The following SYNE1 variants were observed in gnomAD, a reference collection of about 807,000 sequenced individuals.
The protein encoded by SYNE1 is nesprin-1.
In SYNE1, 616 loss-of-function variants were observed where a neutral mutation model predicts 1,111.0. That is an observed-to-expected ratio of 0.55 (90% CI 0.52 to 0.59). The LOEUF is 0.59. Among genes scored for constraint, SYNE1 ranks in the 20% least tolerant of loss-of-function variants. The pLI, the probability that SYNE1 is intolerant of heterozygous loss-of-function variation, is 0.00. For missense variants in SYNE1, 10,006 were observed against 10,417.0 expected (o/e 0.96, Z 1.72); for synonymous variants, 3,855 against 3,825.8 (o/e 1.01, Z -0.28).
At chr6:152,321,135 C>A in intron 84 of SYNE1, 103 bp downstream of exon 84, 2 of 1,322,958 alleles carry the variant, frequency 1.5e-6, no homozygotes, top group South Asian at 2.7e-5. Flanking sequence ...TTTTTTAACT[C>A]TGTCTCCAAG....
rs1412426109 is a variant in SYNE1, at chr6:152,321,859, T to C, written c.15945A>G (p.Gly5315=). Residue 5315 remains glycine (G), a synonymous_variant, in exon 83 of 146, where the codon GGA becomes GGG. Coordinates refer to ENST00000367255, the MANE Select transcript of SYNE1 (RefSeq NM_182961.4). ...CCTTCAGCTCTTGCTTCACCAACTT[T>C]CCATTAGTCTTCACTTTCTCCTGCA... ...LNMQEKVKTN[G]KLVKQELKDR... 6.2e-7 allele frequency: 1 copy of C among 1,614,050 alleles called. No homozygotes were observed. Among genetic ancestry groups the C allele is most frequent in the East Asian group, 2.2e-5 (1 of 44,848 alleles).
intron 39 of SYNE1, among the ~76,000 whole-genome samples, chr6:152,421,016 C>A (rs953729813): frequency 6.6e-6 from 1 of 152,030 alleles, no homozygotes; most frequent in African/African-American, 2.4e-5. Context: ...GTTATTTTAC[C>A]AAGGCTTTGA....
chr6:152,306,416 G>A (rs2095375537), intron 91 of SYNE1, among the ~76,000 whole-genome samples: 1 of 151,908 alleles, frequency 6.6e-6, no homozygotes, highest in Non-Finnish European at 1.5e-5. Context: ...AACCCAGGAG[G>A]TGGAAGTTGC....
chr6:152,311,005 G>C (rs750713453), intron 87 of SYNE1, 132 bp from the exon 88 acceptor site: 5 of 878,674 alleles, frequency 5.7e-6, no homozygotes, highest in Non-Finnish European at 9.1e-6. Flanking sequence ...CACCCCCCAT[G>C]ACCACTTTCT....
intron 6 of SYNE1, among the ~76,000 whole-genome samples, chr6:152,515,100 T>C (rs2099105015): frequency 6.6e-6 from 1 of 151,926 alleles, no homozygotes; most frequent in South Asian, 2.1e-4. Context: ...CGCATGCCTG[T>C]AGTCCCAGCT....
Position 152,249,255 on chromosome 6 carries a change from A to G in SYNE1, c.19478T>C (p.Leu6493Pro), listed in dbSNP as rs1370213567. The change falls in exon 105 of 146, where the codon CTG (leucine) becomes CCG (proline). Residue 6493 changes from leucine to proline, a missense_variant. Leu to Pro is a moderately conservative substitution (Grantham distance 98). Coordinates refer to ENST00000367255, the MANE Select transcript of SYNE1 (RefSeq NM_182961.4). Reference sequence around the variant, plus strand: ...AGCCAGTGATGTAAACAGCACTTTCAGATCATTCTAAGGAGGAAAGCAACG... The same window carrying G: ...AGCCAGTGATGTAAACAGCACTTTCGGATCATTCTAAGGAGGAAAGCAACG... ...LQQILNFQND[L>P]KVLFTSLADN... 6.2e-7 allele frequency: 1 copy of G among 1,607,556 alleles called. No individual in the cohort carries two copies. The highest frequency in any genetic ancestry group is 8.5e-7 in the Non-Finnish European group (1 of 1,174,084).
chr6:152,236,991 T>C (rs369261066), intron 108 of SYNE1, 43 bp from the exon 109 acceptor site: 1 of 1,609,194 alleles, frequency 6.2e-7, no homozygotes, highest in African/African-American at 1.3e-5. Flanking sequence ...AAACCCTCAT[T>C]AGCGAAAGAC....
At chr6:152,228,610 T>C (rs912914680) in intron 115 of SYNE1, among the ~76,000 whole-genome samples, 4 of 152,220 alleles carry the variant, frequency 2.6e-5, no homozygotes, top group African/African-American at 9.6e-5. Flanking sequence ...ATTAATGTGG[T>C]ATTTCAGTCT....
At chr6:152,516,268 T>A (rs2154343700) in intron 6 of SYNE1, among the ~76,000 whole-genome samples, 1 of 152,214 alleles carries the variant, frequency 6.6e-6, no homozygotes, top group South Asian at 2.1e-4. Context: ...AAGAGACTTG[T>A]GGGGAAAAAA....
chr6:152,299,787 T>C (rs1589569224), intron 93 of SYNE1, among the ~76,000 whole-genome samples: 2 of 152,278 alleles, frequency 1.3e-5, no homozygotes, highest in Non-Finnish European at 1.5e-5. Context: ...TGAATTATAA[T>C]ACAGGTTATA....
chr6:152,337,106 G>T, intron 75 of SYNE1, 89 bp from the exon 76 acceptor site: 1 of 1,368,984 alleles, frequency 7.3e-7, no homozygotes, highest in Non-Finnish European at 1.0e-6. Flanking sequence ...CAGCTGGCCT[G>T]TGCACTCATT....
chr6:152,145,667 CAT>C (rs1257074171), intron 137 of SYNE1: 1 of 930,668 alleles, frequency 1.1e-6, no homozygotes, highest in Non-Finnish European at 1.7e-6. Flanking sequence ...ATTCTAGACA[CAT>C]AGCTCCTGAG....
chr6:152,608,019 A>G (rs1025771282), intron 3 of SYNE1, among the ~76,000 whole-genome samples: 1 of 152,084 alleles, frequency 6.6e-6, no homozygotes. Flanking sequence ...AACAACACAC[A>G]CTGGGGCCTG....
intron 3 of SYNE1, among the ~76,000 whole-genome samples, chr6:152,552,526 T>C (rs540483419): frequency 7.2e-5 from 11 of 151,792 alleles, no homozygotes; most frequent in East Asian, 5.8e-4. Context: ...CAATTTCACC[T>C]ATATTTTATA....
At position 152,354,859 on chromosome 6, in the gene SYNE1, G is replaced by A. The variant is rs777447487; in HGVS notation, c.10726C>T (p.Arg3576Trp). 32 of 1,614,022 alleles carry A rather than the reference G, an allele frequency of 2.0e-5. No individual in the cohort carries two copies. Among genetic ancestry groups the A allele is most frequent in the Middle Eastern group, 1.6e-4 (1 of 6,084 alleles). Reference sequence around the variant, plus strand: ...TGCTGGTAAGCCTGCCAGTCTTGCCGGAGAGACTCTAAAGCCCGGTCCTCT... The same window carrying A: ...TGCTGGTAAGCCTGCCAGTCTTGCCAGAGAGACTCTAAAGCCCGGTCCTCT... ...QAEDRALESL[R>W]QDWQAYQHRL... Residue 3576 changes from arginine (R) to tryptophan (W), a missense_variant, in exon 67 of 146, where the codon CGG (arginine) becomes TGG (tryptophan). Physicochemically the swap from Arg to Trp is moderately radical, Grantham distance 101. Around this residue, in one of 7 missense-constraint regions of SYNE1, gnomAD observed 4,955 missense variants for 5,017.2 expected, o/e 0.99. Transcript: ENST00000367255.
At position 152,302,241 on chromosome 6, in the gene SYNE1, G is replaced by C. The variant is rs974479018; in HGVS notation, c.17347-178C>G. The C allele has an allele frequency of 3.7e-6, 3 of 808,054 alleles. No homozygotes were observed. The African/African-American group carries it at 5.1e-5, about 14-fold the overall frequency. 50.1% of individuals were successfully genotyped at this position (808,054 alleles called of 1,614,324 possible). A position where few individuals can be genotyped will look rare whatever the true frequency, so the allele number is the denominator to read the frequency against. Reference sequence around the variant, plus strand: ...TCGCTACCGAGCCAGACCGCAGGCTGCGCGGCGCGGCGCAGGCACAGCCAA... The same window carrying C: ...TCGCTACCGAGCCAGACCGCAGGCTCCGCGGCGCGGCGCAGGCACAGCCAA... On this transcript the variant is annotated intron_variant, in intron 91 of 145. Transcript: ENST00000367255.
intron 128 of SYNE1, among the ~76,000 whole-genome samples, chr6:152,186,345 T>C (rs1178225777): frequency 6.6e-6 from 1 of 150,738 alleles, no homozygotes; most frequent in Non-Finnish European, 1.5e-5. Context: ...TCACCTGGGG[T>C]CGGGAGTTGG....
chr6:152,548,924 G>A (rs2099327585), intron 3 of SYNE1, among the ~76,000 whole-genome samples: 1 of 152,208 alleles, frequency 6.6e-6, no homozygotes, highest in Admixed American at 6.5e-5. Context: ...AGGTCGTGAA[G>A]TTTCTGTTTT....
At chr6:152,239,796 C>T (rs527400297) in intron 107 of SYNE1, 90 bp from the exon 108 acceptor site, 398 of 1,395,620 alleles carry the variant, frequency 2.9e-4, no homozygotes, top group Non-Finnish European at 3.5e-4. Context: ...CGGTGGCTCA[C>T]GCCTGTAATC....
Sources: allele counts gnomAD v4.1 joint callset (sites outside exome capture counted in the v4.1 genomes callset), GRCh38; gene constraint gnomAD v4.1.1; regional missense constraint gnomAD v4.1.1; transcripts MANE v1.5; gene names NCBI Gene and HGNC (gene_info 2026-07-23, HGNC 2026-07-21).